The following ASIC4 variants were observed in gnomAD, a reference collection of about 807,000 sequenced individuals.
The protein encoded by ASIC4 is acid-sensing ion channel 4.
In ASIC4, 28 loss-of-function variants were observed where a neutral mutation model predicts 53.4. That is an observed-to-expected ratio of 0.52 (90% CI 0.39 to 0.72). ASIC4 has a LOEUF of 0.72. Ranked by LOEUF, ASIC4 falls within the 30% of genes least tolerant of loss-of-function variation. The pLI is 0.00. For missense variants in ASIC4, 649 were observed against 729.7 expected (o/e 0.89, Z 1.27); for synonymous variants, 289 against 301.4 (o/e 0.96, Z 0.43).
chr2:219,526,025 C>T (rs961038592), intron 1 of ASIC4, among the ~76,000 whole-genome samples: 1 of 152,228 alleles, frequency 6.6e-6, no homozygotes, highest in East Asian at 1.9e-4. Flanking sequence ...CTGGCTGCTT[C>T]TTATCTCCTG....
rs547706555 is a variant in ASIC4 at position 219,531,153 on chromosome 2, A to T, written c.583-605A>T. Among the ~76,000 whole-genome samples the T allele has an allele frequency of 1.2e-4, 19 of 152,166 alleles. No homozygotes were observed. In the East Asian group the frequency reaches 3.7e-3, roughly 29 times the overall value. Reference sequence around the variant, plus strand: ...TGCTTGGGCCCAAGAGTTCAAGACCAGCCTGGGCAACATAGAAAGACCCTG... The same window carrying T: ...TGCTTGGGCCCAAGAGTTCAAGACCTGCCTGGGCAACATAGAAAGACCCTG... On this transcript the variant is annotated intron_variant, in intron 1 of 9. Transcript: ENST00000358078.
chr2:219,537,949 G>C lies in ASIC4; in HGVS notation c.1523G>C (p.Arg508Pro). The C allele has an allele frequency of 6.2e-7, 1 of 1,609,406 alleles. No individual in the cohort carries two copies. The highest frequency in any genetic ancestry group is 8.5e-7 in the Non-Finnish European group (1 of 1,177,816). ...ELKEQSPCPS[R>P]GRVEGGGVSS... ...CTCCTGCAGAGTCCCTGCCCGAGCC[G>C]GGGCCGAGTGGAGGGTGGGGGGGTC... is the stretch of plus-strand genomic sequence containing the variant. The change falls in exon 10 of 10, where the codon CGG becomes CCG. Residue 508 changes from arginine to proline, a missense_variant. Physicochemically the swap from Arg to Pro is moderately radical, Grantham distance 103. Coordinates refer to ENST00000358078, the MANE Select transcript of ASIC4 (RefSeq NM_018674.6). The surrounding 1 kb of genome is among the most constrained non-coding windows in gnomAD (Gnocchi z 4.9).
At position 219,518,358 on chromosome 2, in the gene ASIC4, C is replaced by T. The variant is rs912051838; in HGVS notation, c.582+3052C>T. Among the ~76,000 whole-genome samples, 2 of 151,976 alleles carry T rather than the reference C, an allele frequency of 1.3e-5. No homozygotes were observed. Among genetic ancestry groups the T allele is most frequent in the African/African-American group, 2.4e-5 (1 of 41,360 alleles). On this transcript the variant is annotated intron_variant, in intron 1 of 9. Coordinates refer to ENST00000358078, the MANE Select transcript of ASIC4 (RefSeq NM_018674.6). This position sits in a 1 kb window ranked among gnomAD's most constrained non-coding sequence, Gnocchi z 4.8. The stretch of plus-strand genomic sequence containing the variant: ...GAGGTCGAGTTCAGAGAAGGAGAGG[C>T]CATTCTGGGTGGAGGAGAGCTGGGA...
At chr2:219,508,963 C>T in the ASIC4 span, among the ~76,000 whole-genome samples, 889 of 150,816 alleles carry the variant, frequency 5.9e-3, 3 homozygotes, top group African/African-American at 7.0e-3. Context: ...CTGGATAGGG[C>T]GACAGGGGAG....
chr2:219,515,404 G>A, intron 1 of ASIC4, 98 bp downstream of exon 1: 1 of 1,390,904 alleles, frequency 7.2e-7, no homozygotes, highest in Non-Finnish European at 9.6e-7. Context: ...CCTCAACAGG[G>A]CTTCCCTTCA....
intron 1 of ASIC4, among the ~76,000 whole-genome samples, chr2:219,524,051 G>T (rs186019389): frequency 6.6e-6 from 1 of 152,242 alleles, no homozygotes; most frequent in East Asian, 1.9e-4. Context: ...TCAAATTCTT[G>T]GGCTCAATCG....
At chr2:219,529,945 G>C (rs1695015043) in intron 1 of ASIC4, among the ~76,000 whole-genome samples, 1 of 151,892 alleles carries the variant, frequency 6.6e-6, no homozygotes, top group African/African-American at 2.4e-5. Flanking sequence ...ACTTCACCCT[G>C]CCCCCTAGGA....
rs1038159357 is a variant in ASIC4 at position 219,516,762 on chromosome 2, C to G, written c.582+1456C>G. ...AGGTTCCTGGCCCCCACCATGCCTGCAGTGTCTGGGGCCTCCCGCCATTGG... is the reference window on the plus strand; with the variant it reads ...AGGTTCCTGGCCCCCACCATGCCTGGAGTGTCTGGGGCCTCCCGCCATTGG... On this transcript the variant is annotated intron_variant, in intron 1 of 9. Transcript: ENST00000358078. The surrounding 1 kb of genome is among the most constrained non-coding windows in gnomAD (Gnocchi z 4.9). 1 of 152,328 alleles carries G rather than the reference C, an allele frequency of 6.6e-6. No individual in the cohort carries two copies. The highest frequency in any genetic ancestry group is 2.4e-5 in the African/African-American group (1 of 41,466). 9.4% of individuals were successfully genotyped at this position (152,328 alleles called of 1,614,324 possible).
chr2:219,507,422 C>T, the ASIC4 span, among the ~76,000 whole-genome samples: 1 of 152,278 alleles, frequency 6.6e-6, no homozygotes, highest in East Asian at 1.9e-4. Context: ...GCTCCATCTG[C>T]TCCCAGCTTG....
intron 5 of ASIC4, among the ~76,000 whole-genome samples, chr2:219,534,609 C>G (rs1695096779): frequency 6.6e-6 from 1 of 152,210 alleles, no homozygotes; most frequent in Non-Finnish European, 1.5e-5. Flanking sequence ...TTAGTTGATG[C>G]ATTTGGGGGA....
At position 219,514,733 on chromosome 2, in the gene ASIC4, C is replaced by T. The variant is rs565118365; in HGVS notation, c.9C>T (p.Ile3=). The T allele has an allele frequency of 4.6e-5, 75 of 1,613,636 alleles. No homozygotes were observed. The highest frequency in any genetic ancestry group is 5.3e-5 in the African/African-American group (4 of 75,038). Reference sequence around the variant, plus strand: ...CCAGCAGCCGGGGACAGATGCCGATCGAGATTGTGTGCAAAATCAAATTTG... The same window carrying T: ...CCAGCAGCCGGGGACAGATGCCGATTGAGATTGTGTGCAAAATCAAATTTG... MP[I]EIVCKIKFAE... Residue 3 remains isoleucine (I), a synonymous_variant, in exon 1 of 10, where the codon ATC becomes ATT. Coordinates refer to ENST00000358078, the MANE Select transcript of ASIC4 (RefSeq NM_018674.6).
intron 4 of ASIC4, 108 bp from the exon 5 acceptor site, chr2:219,532,775 T>C: frequency 1.8e-6 from 2 of 1,094,114 alleles, no homozygotes; most frequent in Non-Finnish European, 2.7e-6. Flanking sequence ...AGCACATTTA[T>C]GCAAATGTGT....
At chr2:219,508,799 T>A in the ASIC4 span, among the ~76,000 whole-genome samples, 1 of 13,788 alleles carries the variant, frequency 7.3e-5, no homozygotes, top group Admixed American at 8.9e-4. Flanking sequence ...GGAACTGGGG[T>A]GGGAAGTGGG....
At chr2:219,535,461 GTA>G (rs1410658923) in intron 6 of ASIC4, 137 bp downstream of exon 6, 8 of 1,052,396 alleles carry the variant, frequency 7.6e-6, no homozygotes, top group Non-Finnish European at 1.1e-5. Flanking sequence ...GTGTGGGTGT[GTA>G]TGTGTGTGGG....
intron 1 of ASIC4, among the ~76,000 whole-genome samples, chr2:219,528,117 G>C (rs1694987330): frequency 6.6e-6 from 1 of 152,256 alleles, no homozygotes; most frequent in Admixed American, 6.5e-5. Context: ...GCTGATTCTA[G>C]CATCTTCTTG....
chr2:219,518,463 C>T lies in ASIC4; in HGVS notation c.582+3157C>T, dbSNP rs549888571. On this transcript the variant is annotated intron_variant, in intron 1 of 9. Transcript: ENST00000358078. The surrounding 1 kb of genome is among the most constrained non-coding windows in gnomAD (Gnocchi z 4.8). ...GAGGAGAGGGCCCTGGGAGGTGGGC[C>T]CCGTATGTTTGCTCTGCATGGTGGC... 6.6e-6 allele frequency among the ~76,000 whole-genome samples: 1 copy of T among 151,912 alleles called. No individual in the cohort carries two copies. The highest frequency in any genetic ancestry group is 1.9e-4 in the East Asian group (1 of 5,172).
At chr2:219,534,934 G>A (rs1472887781) in intron 5 of ASIC4, among the ~76,000 whole-genome samples, 1 of 152,172 alleles carries the variant, frequency 6.6e-6, no homozygotes, top group African/African-American at 2.4e-5. Context: ...CCAGTCCCAG[G>A]GGGTTGGGAG....
chr2:219,528,453 G>A (rs1458526359), intron 1 of ASIC4, among the ~76,000 whole-genome samples: 1 of 152,100 alleles, frequency 6.6e-6, no homozygotes, highest in Non-Finnish European at 1.5e-5. Context: ...TCAAACTCCT[G>A]ACCTTGTGAT....
chr2:219,530,458 C>T (rs1695024959), intron 1 of ASIC4, among the ~76,000 whole-genome samples: 1 of 152,276 alleles, frequency 6.6e-6, no homozygotes, highest in Non-Finnish European at 1.5e-5. Context: ...GGGCCAGAGG[C>T]TGGGGACACC....
Sources: gnomAD v4.1 joint callset for allele counts (sites outside exome capture counted in the v4.1 genomes callset) on GRCh38, gnomAD v4.1.1 for gene constraint, Gnocchi (gnomAD v3.1) non-coding constraint, MANE v1.5 for transcripts, NCBI Gene and HGNC (gene_info 2026-07-23, HGNC 2026-07-21) for gene names.